Variants in CHIC1 observed in about 807,000 individuals in gnomAD.
The protein encoded by CHIC1 is cysteine-rich hydrophobic domain-containing protein 1.
In CHIC1, 7 loss-of-function variants were observed where a neutral mutation model predicts 18.5. The observed-to-expected ratio is 0.38, with a 90% CI of 0.22 to 0.71. CHIC1 has a LOEUF of 0.71. Among genes scored for constraint, CHIC1 ranks in the 30% least tolerant of loss-of-function variants. The pLI is 0.49. For missense variants in CHIC1, 159 were observed against 176.9 expected, an observed-to-expected ratio of 0.90 and a Z score of 0.57; for synonymous variants, 77 against 73.5, an observed-to-expected ratio of 1.05 and a Z score of -0.25.
intron 3 of CHIC1, among the ~76,000 whole-genome samples, chrX:73,655,366 C>G (rs2147612440): frequency 1.0e-5 from 1 of 100,242 alleles, no homozygotes; most frequent in African/African-American, 3.6e-5. Flanking sequence ...ACACTATATA[C>G]ACACAATATT....
At chrX:73,636,255 C>A (rs1052943395) in intron 3 of CHIC1, among the ~76,000 whole-genome samples, 4 of 111,380 alleles carry the variant, frequency 3.6e-5, no homozygotes, top group African/African-American at 1.3e-4. Context: ...CAAAGTGAGT[C>A]TTTATAGATA....
chrX:73,594,733 A>G, intron 3 of CHIC1, among the ~76,000 whole-genome samples: 1 of 111,593 alleles, frequency 9.0e-6, no homozygotes, highest in Admixed American at 9.5e-5. Flanking sequence ...TAGGAACTCT[A>G]TAGCCATTAA....
At chrX:73,656,989 G>T (rs374459824) in intron 3 of CHIC1, among the ~76,000 whole-genome samples, 5 of 109,791 alleles carry the variant, frequency 4.6e-5, no homozygotes, top group African/African-American at 1.7e-4. Context: ...GCAGTGTTTT[G>T]TAGCTCTCCT....
chrX:73,622,036 G>A (rs2057762909), intron 3 of CHIC1, among the ~76,000 whole-genome samples: 1 of 112,103 alleles, frequency 8.9e-6, no homozygotes, highest in Non-Finnish European at 1.9e-5. Context: ...TTGCACCCCA[G>A]GGATGAAACA....
chrX:73,673,356 G>A (rs751816809), intron 3 of CHIC1, among the ~76,000 whole-genome samples: 3 of 111,686 alleles, frequency 2.7e-5, no homozygotes, highest in Non-Finnish European at 5.6e-5. Flanking sequence ...CCATTTTCAC[G>A]ATACTGATTC....
intron 3 of CHIC1, among the ~76,000 whole-genome samples, chrX:73,612,197 A>G (rs902914798): frequency 9.0e-6 from 1 of 111,687 alleles, no homozygotes; most frequent in Non-Finnish European, 1.9e-5. Context: ...TAATTTTTGT[A>G]TAAGTTGTAT....
At chrX:73,679,525 G>A (rs1310693766) in intron 4 of CHIC1, 129 bp from the exon 5 acceptor site, 2 of 554,043 alleles carry the variant, frequency 3.6e-6, no homozygotes, top group Non-Finnish European at 5.7e-6. Context: ...TTCTTTACAA[G>A]GTATTTTTAA....
At chrX:73,679,628 T>C in intron 4 of CHIC1, 26 bp from the exon 5 acceptor site, 2 of 1,026,891 alleles carry the variant, frequency 1.9e-6, no homozygotes, top group Non-Finnish European at 2.6e-6. Flanking sequence ...AATATAAAAA[T>C]TCTTAACAAG....
At chrX:73,672,732 T>C (rs868705552) in intron 3 of CHIC1, among the ~76,000 whole-genome samples, 2 of 111,696 alleles carry the variant, frequency 1.8e-5, no homozygotes, top group African/African-American at 6.5e-5. Flanking sequence ...TCACTCTGAT[T>C]GTAGTTTCTT....
At chrX:73,595,516 A>G (rs936915496) in intron 3 of CHIC1, among the ~76,000 whole-genome samples, 4 of 111,051 alleles carry the variant, frequency 3.6e-5, no homozygotes, top group African/African-American at 1.3e-4. Context: ...TTCTTTTTTT[A>G]TGGCTGCATA....
intron 3 of CHIC1, among the ~76,000 whole-genome samples, chrX:73,624,675 C>T (rs2057775635): frequency 8.9e-6 from 1 of 111,912 alleles, no homozygotes; most frequent in Admixed American, 9.5e-5. Context: ...AGAGTACCAC[C>T]ACATGGTTAC....
chrX:73,637,636 C>T (rs1394495598), intron 3 of CHIC1, among the ~76,000 whole-genome samples: 1 of 111,138 alleles, frequency 9.0e-6, no homozygotes, highest in Non-Finnish European at 1.9e-5. Flanking sequence ...CTCAACTCTG[C>T]TCTTCAACTC....
intron 1 of CHIC1, among the ~76,000 whole-genome samples, chrX:73,565,101 A>G (rs778832573): frequency 4.3e-4 from 48 of 111,449 alleles, no homozygotes; most frequent in African/African-American, 1.5e-3. Context: ...AGAATTTTGC[A>G]GATAGCCTAC....
chrX:73,675,799 G>C (rs1273839569), intron 3 of CHIC1, among the ~76,000 whole-genome samples: 1 of 110,701 alleles, frequency 9.0e-6, no homozygotes, highest in African/African-American at 3.3e-5. Flanking sequence ...TATTTTGCTC[G>C]TTAGTTGATG....
intron 2 of CHIC1, among the ~76,000 whole-genome samples, chrX:73,583,419 T>C (rs1232915900): frequency 4.5e-5 from 5 of 111,256 alleles, no homozygotes; most frequent in African/African-American, 6.5e-5. Context: ...AGTAAAGCTC[T>C]ATATTTTTGA....
intron 3 of CHIC1, among the ~76,000 whole-genome samples, chrX:73,588,390 A>G (rs892493115): frequency 9.0e-6 from 1 of 111,089 alleles, no homozygotes; most frequent in African/African-American, 3.3e-5. Flanking sequence ...ACTGAACATA[A>G]TGTTTTTTGT....
chrX:73,565,794 G>C (rs12010156), intron 1 of CHIC1, among the ~76,000 whole-genome samples: 16,428 of 109,859 alleles, frequency 0.15, 1,003 homozygotes, highest in Non-Finnish European at 0.16. Context: ...TTTTTTTTCT[G>C]GCATAGGAGT....
Position 73,680,147 on chromosome X carries a change from A to G in CHIC1, c.624+434A>G, listed in dbSNP as rs1338399577. Among the ~76,000 whole-genome samples the G allele has an allele frequency of 4.0e-5, 4 of 101,126 alleles. 1 individual carries two copies. The highest frequency in any genetic ancestry group is 9.9e-3 in the Middle Eastern group (2 of 203). The allele number at this position is 101,126 out of a possible 115,157, so 87.8% of individuals were successfully genotyped here. A position where few individuals can be genotyped will look rare whatever the true frequency, so the allele number is the denominator to read the frequency against. On this transcript the variant is annotated intron_variant, in intron 5 of 5. Coordinates refer to ENST00000373502, the MANE Select transcript of CHIC1 (RefSeq NM_001039840.4). The stretch of plus-strand genomic sequence containing the variant: ...ATTTAACTTTTAGTGAAGAAACTGT[A>G]GGTTCTAATTTTTGTTTTAACTGAA...
chrX:73,685,710 A>G lies in CHIC1; in HGVS notation c.*4705A>G, dbSNP rs1361489774. 2 of 111,960 alleles carry G rather than the reference A, an allele frequency of 1.8e-5. No individual in the cohort carries two copies. The highest frequency in any genetic ancestry group is 3.8e-5 in the Non-Finnish European group (2 of 53,040). The allele number at this position is 111,960 out of a possible 1,213,427, so 9.2% of individuals were successfully genotyped here. On this transcript the variant is annotated 3_prime_UTR_variant, in exon 6 of 6. Transcript: ENST00000373502. ...TGAAGTTGACTGAAAGATATACTGG[A>G]TATCATAATTATATAATTTCTAAAT...
Sources: gnomAD v4.1 joint callset for allele counts (sites outside exome capture counted in the v4.1 genomes callset) on GRCh38, gnomAD v4.1.1 for gene constraint, MANE v1.5 for transcripts, NCBI Gene and HGNC (gene_info 2026-07-23, HGNC 2026-07-21) for gene names.